Variants in FGD4 observed in about 807,000 individuals in gnomAD.
FGD4 encodes the protein FYVE, RhoGEF and PH domain-containing protein 4.
FGD4 carries 42 observed loss-of-function variants against 102.0 expected under a neutral mutation model. That is an observed-to-expected ratio of 0.41 (90% confidence interval 0.32 to 0.53). The LOEUF (loss-of-function observed/expected upper bound fraction) is 0.53, where lower values mean the gene tolerates loss of function less well. FGD4 is among the 20% of genes least tolerant of loss of function. The pLI is 0.21. For missense variants in FGD4, 902 were observed against 1,078.2 expected, an observed-to-expected ratio of 0.84 and a Z score of 2.29; for synonymous variants, 380 against 375.7, an observed-to-expected ratio of 1.01 and a Z score of -0.13.
At chr12:32,601,811 A>G (rs538313607) in intron 6 of FGD4, among the ~76,000 whole-genome samples, 1 of 152,330 alleles carries the variant, frequency 6.6e-6, no homozygotes, top group East Asian at 1.9e-4. Flanking sequence ...CTCATTCTAT[A>G]AGAAATCTTA....
Position 32,596,662 on chromosome 12 carries a change from G to A in FGD4, c.1012-1835G>A, listed in dbSNP as rs190193838. Among the ~76,000 whole-genome samples the A allele has an allele frequency of 3.3e-5, 5 of 151,542 alleles. No individual in the cohort carries two copies. In the East Asian group the frequency reaches 5.9e-4, roughly 18 times the overall value. On this transcript the variant is annotated intron_variant, in intron 4 of 16. Coordinates refer to ENST00000534526, the MANE Select transcript of FGD4 (RefSeq NM_001370298.3). The stretch of plus-strand genomic sequence containing the variant: ...GAGAAGTACATGGAAGGGGCTGGGC[G>A]CATTGGCTCATGCCTGTAATCCCAG...
At chr12:32,459,777 C>T (rs112212721) in intron 1 of FGD4, among the ~76,000 whole-genome samples, 3 of 152,112 alleles carry the variant, frequency 2.0e-5, no homozygotes, top group East Asian at 1.9e-4. Context: ...CAGCTCACTG[C>T]AGCCTCCATT....
At chr12:32,484,132 T>C (rs1943831000) in intron 1 of FGD4, among the ~76,000 whole-genome samples, 1 of 152,208 alleles carries the variant, frequency 6.6e-6, no homozygotes, top group Non-Finnish European at 1.5e-5. Flanking sequence ...GTCTGCCTCA[T>C]ATAGTATGGC....
chr12:32,625,731 T>C lies in FGD4; in HGVS notation c.2124T>C (p.Pro708=). 6.2e-7 allele frequency: 1 copy of C among 1,614,086 alleles called. No homozygotes were observed. Among genetic ancestry groups the C allele is most frequent in the Non-Finnish European group, 8.5e-7 (1 of 1,180,020 alleles). The change falls in exon 14 of 17, where the codon CCT becomes CCC. Residue 708 remains proline (P), a synonymous_variant. Coordinates refer to ENST00000534526, the MANE Select transcript of FGD4 (RefSeq NM_001370298.3). ...CAATGTGTATGAAATGTAAAGAACC[T>C]TTCAATGCACTGACACGAAGGAGGC... ...EVTMCMKCKE[P]FNALTRRRHH...
At chr12:32,472,677 G>A (rs1281519179) in intron 1 of FGD4, among the ~76,000 whole-genome samples, 1 of 152,234 alleles carries the variant, frequency 6.6e-6, no homozygotes, top group African/African-American at 2.4e-5. Flanking sequence ...AGGAATGCGA[G>A]TGCGGGGCGC....
At chr12:32,567,132 C>G (rs1408993979) in intron 2 of FGD4, among the ~76,000 whole-genome samples, 2 of 152,186 alleles carry the variant, frequency 1.3e-5, no homozygotes. Context: ...CTCTCCAGCA[C>G]AAGCACCATC....
chr12:32,459,873 T>G (rs929500871), intron 1 of FGD4, among the ~76,000 whole-genome samples: 1 of 151,722 alleles, frequency 6.6e-6, no homozygotes. Flanking sequence ...TGATTTTTTT[T>G]GTTTTTTTTT....
intron 1 of FGD4, among the ~76,000 whole-genome samples, chr12:32,460,444 G>A (rs1359126355): frequency 6.6e-6 from 1 of 151,638 alleles, no homozygotes; most frequent in African/African-American, 2.4e-5. Context: ...ATACAAGGCT[G>A]CAGTGAGCTG....
chr12:32,613,019 A>C (rs935899824), intron 10 of FGD4, among the ~76,000 whole-genome samples: 6 of 152,196 alleles, frequency 3.9e-5, no homozygotes, highest in Non-Finnish European at 8.8e-5. Context: ...AATCATAATA[A>C]TATGCATTGA....
At chr12:32,410,510 C>T (rs1039737218) in intron 1 of FGD4, among the ~76,000 whole-genome samples, 2 of 152,004 alleles carry the variant, frequency 1.3e-5, no homozygotes, top group African/African-American at 4.8e-5. Context: ...AAGAAATTGG[C>T]ATCATTTGCA....
chr12:32,601,439 A>T lies in FGD4; in HGVS notation c.1247+16A>T. ...TGCAAGAATGGTAAGAGGAGTAGAT[A>T]GAAAATGATATGTTTAAGGCAGTCA... On this transcript the variant is annotated intron_variant, in intron 6 of 16. Transcript: ENST00000534526. The T allele has an allele frequency of 6.2e-7, 1 of 1,609,316 alleles. No homozygotes were observed. The highest frequency in any genetic ancestry group is 2.2e-5 in the East Asian group (1 of 44,780).
At chr12:32,561,437 T>C (rs1316401036) in intron 1 of FGD4, among the ~76,000 whole-genome samples, 2 of 152,140 alleles carry the variant, frequency 1.3e-5, no homozygotes, top group African/African-American at 4.8e-5. Flanking sequence ...GATTAAGAAT[T>C]TTTTGGGTTT....
intron 1 of FGD4, among the ~76,000 whole-genome samples, chr12:32,521,548 A>AT (rs765226402): frequency 7.2e-5 from 11 of 152,178 alleles, no homozygotes; most frequent in Non-Finnish European, 1.5e-4. Flanking sequence ...TATAAAAAAC[A>AT]TTCCCAAGTC....
At chr12:32,481,031 G>A (rs1391924319) in intron 1 of FGD4, among the ~76,000 whole-genome samples, 1 of 147,856 alleles carries the variant, frequency 6.8e-6, no homozygotes, top group Non-Finnish European at 1.5e-5. Flanking sequence ...TGCCCGGGCT[G>A]GCCTTGAACT....
chr12:32,560,971 A>AAT (rs1251836821), intron 1 of FGD4, among the ~76,000 whole-genome samples: 1 of 151,800 alleles, frequency 6.6e-6, no homozygotes, highest in African/African-American at 2.4e-5. Context: ...CTGTTGAGAC[A>AAT]ATACTTGGAA....
Position 32,470,240 on chromosome 12 carries a change from A to G in FGD4, c.166+70281A>G, listed in dbSNP as rs1943379029. Reference sequence around the variant, plus strand: ...TCCATATATGCCATCTCGACCCTCCATAAGATGGACCAAAAGACAGGGTGA... The same window carrying G: ...TCCATATATGCCATCTCGACCCTCCGTAAGATGGACCAAAAGACAGGGTGA... On this transcript the variant is annotated intron_variant, in intron 1 of 16. Coordinates refer to ENST00000534526, the MANE Select transcript of FGD4 (RefSeq NM_001370298.3). Among the ~76,000 whole-genome samples, 5 of 152,160 alleles carry G rather than the reference A, an allele frequency of 3.3e-5. 1 individual carries two copies. In the South Asian group the frequency reaches 1.0e-3, roughly 31 times the overall value.
At chr12:32,469,729 G>A (rs908778263) in intron 1 of FGD4, among the ~76,000 whole-genome samples, 10 of 151,082 alleles carry the variant, frequency 6.6e-5, no homozygotes, top group African/African-American at 2.4e-4. Context: ...GCATAATCTC[G>A]ACTCATCGCA....
Position 32,510,768 on chromosome 12 carries a change from C to CA in FGD4, c.167-53369_167-53368insA, listed in dbSNP as rs538387093. Among the ~76,000 whole-genome samples the CA allele has an allele frequency of 1.4e-3, 216 of 152,244 alleles. 1 individual carries two copies. Among genetic ancestry groups the CA allele is most frequent in the South Asian group, 8.1e-3 (39 of 4,830 alleles). ...TATTTAAATATAAATTAGACAGATA[C>CA]TTGTAAGAGATATTGTAGACAAGAT... On this transcript the variant is annotated intron_variant, in intron 1 of 16. Coordinates refer to ENST00000534526, the MANE Select transcript of FGD4 (RefSeq NM_001370298.3).
At chr12:32,542,009 C>T (rs535036168) in intron 1 of FGD4, among the ~76,000 whole-genome samples, 7 of 152,252 alleles carry the variant, frequency 4.6e-5, no homozygotes, top group Admixed American at 1.3e-4. Context: ...TGCGTTTCAC[C>T]GCAGGTCTGG....
Sources: gnomAD v4.1 joint callset for allele counts (sites outside exome capture counted in the v4.1 genomes callset) on GRCh38, gnomAD v4.1.1 for gene constraint, MANE v1.5 for transcripts, NCBI Gene and HGNC (gene_info 2026-07-23, HGNC 2026-07-21) for gene names.